Variants in CYP19A1 observed in about 807,000 individuals in gnomAD.
CYP19A1 encodes the protein aromatase.
A neutral mutation model predicts 44.4 loss-of-function variants in CYP19A1; 32 were observed. That is an observed-to-expected ratio of 0.72 (90% CI 0.54 to 0.97). CYP19A1 has a LOEUF of 0.97. Among genes scored for constraint, CYP19A1 ranks in the 50% least tolerant of loss-of-function variants. The pLI, the probability that CYP19A1 is intolerant of heterozygous loss-of-function variation, is 0.00. For synonymous variants in CYP19A1, 212 were observed against 215.6 expected (o/e 0.98, Z 0.14); for missense variants, 598 against 637.8 (o/e 0.94, Z 0.67).
In CYP19A1 at chr15:51,245,024, TTTTG is replaced by T. The variant is rs199602185; in HGVS notation, c.-38-2078_-38-2075del. On this transcript the variant is annotated intron_variant, in intron 1 of 9. Coordinates refer to ENST00000396402, the MANE Select transcript of CYP19A1 (RefSeq NM_000103.4). The stretch of plus-strand genomic sequence containing the variant: ...ACTGTGTCCTAAAATATTTTACTAT[TTTTG>T]TTTGTTTGTTCCCCTACACACTTAT... Among the ~76,000 whole-genome samples the T allele has an allele frequency of 2.6e-3, 401 of 152,326 alleles. 2 individuals carry two copies. The highest frequency in any genetic ancestry group is 9.3e-3 in the African/African-American group (388 of 41,568).
At chr15:51,309,187 G>A (rs1431628472) in intron 1 of CYP19A1, among the ~76,000 whole-genome samples, 1 of 152,198 alleles carries the variant, frequency 6.6e-6, no homozygotes, top group Non-Finnish European at 1.5e-5. Flanking sequence ...TGGTGCCTCT[G>A]TAAGAAGAGG....
intron 1 of CYP19A1, among the ~76,000 whole-genome samples, chr15:51,273,586 C>T (rs2035202094): frequency 1.3e-5 from 2 of 152,142 alleles, no homozygotes; most frequent in Non-Finnish European, 2.9e-5. Flanking sequence ...GAGAACTGAG[C>T]TCTATCCCAC....
At chr15:51,325,498 A>G (rs1432225411) in intron 1 of CYP19A1, among the ~76,000 whole-genome samples, 1 of 152,140 alleles carries the variant, frequency 6.6e-6, no homozygotes, top group Non-Finnish European at 1.5e-5. Flanking sequence ...TCAACTTACC[A>G]TGGTGCTACA....
intron 1 of CYP19A1, among the ~76,000 whole-genome samples, chr15:51,306,999 A>G (rs1311536646): frequency 6.6e-6 from 1 of 152,256 alleles, no homozygotes; most frequent in Admixed American, 6.5e-5. Context: ...GCCAGAGATA[A>G]TAAGTAAACC....
rs548138417 is a variant in CYP19A1 at position 51,297,984 on chromosome 15, G to C, written c.-39+40511C>G. ...CTCTGAGGAATGGGGGAAGATGTAG[G>C]AAGGCTTCACAGAGAAGACGTTGGA... On this transcript the variant is annotated intron_variant, in intron 1 of 9. Coordinates refer to ENST00000396402, the MANE Select transcript of CYP19A1 (RefSeq NM_000103.4). Among the ~76,000 whole-genome samples the C allele has an allele frequency of 3.7e-4, 56 of 152,242 alleles. No individual in the cohort carries two copies. The Middle Eastern group carries it at 0.01, about 28-fold the overall frequency.
intron 1 of CYP19A1, among the ~76,000 whole-genome samples, chr15:51,245,576 G>A (rs1297656018): frequency 6.6e-6 from 1 of 152,132 alleles, no homozygotes; most frequent in Non-Finnish European, 1.5e-5. Flanking sequence ...CCATCAGAGT[G>A]AACAGGCAAC....
chr15:51,225,770 G>T (rs892537737), intron 4 of CYP19A1, among the ~76,000 whole-genome samples: 2 of 152,096 alleles, frequency 1.3e-5, no homozygotes, highest in Non-Finnish European at 1.5e-5. Context: ...TAAGGACCTT[G>T]AGATGGGGTG....
chr15:51,250,524 G>A (rs2034265906), intron 1 of CYP19A1, among the ~76,000 whole-genome samples: 1 of 152,178 alleles, frequency 6.6e-6, no homozygotes, highest in African/African-American at 2.4e-5. Context: ...TCTTCCCAGT[G>A]GGCTGCATCT....
rs748459967 is a variant in CYP19A1 at position 51,222,352 on chromosome 15, C to T, written c.625G>A (p.Asp209Asn). ...GTGAGAGTGAAAATTTCAGTACCGT[C>T]CAAAGGGATCCTCAAGAAGAGCGTG... The part of the protein sequence containing the change: ...SNTLFLRIPL[D>N]ESAIVVKIQG... The change falls in exon 5 of 10, where the codon GAC becomes AAC. Residue 209 changes from aspartate to asparagine, a missense_variant. Asp to Asn is a conservative substitution (Grantham distance 23). Transcript: ENST00000396402. 1.2e-6 allele frequency: 2 copies of T among 1,613,992 alleles called. No homozygotes were observed. Among genetic ancestry groups the T allele is most frequent in the East Asian group, 4.5e-5 (2 of 44,892 alleles).
intron 1 of CYP19A1, among the ~76,000 whole-genome samples, chr15:51,307,538 T>C (rs1191331604): frequency 1.3e-5 from 2 of 152,136 alleles, no homozygotes; most frequent in Admixed American, 1.3e-4. Flanking sequence ...AGCATGGTAG[T>C]GGTGTGAAAG....
intron 1 of CYP19A1, among the ~76,000 whole-genome samples, chr15:51,250,899 C>A (rs1369341850): frequency 6.6e-6 from 1 of 152,176 alleles, no homozygotes; most frequent in Non-Finnish European, 1.5e-5. Flanking sequence ...TGGAATTTTC[C>A]AGCCAAAACT....
intron 1 of CYP19A1, among the ~76,000 whole-genome samples, chr15:51,289,249 T>C (rs1045280407): frequency 3.9e-5 from 6 of 152,222 alleles, no homozygotes; most frequent in African/African-American, 1.4e-4. Flanking sequence ...TCAAATGCCT[T>C]GTTAGACTGT....
intron 1 of CYP19A1, among the ~76,000 whole-genome samples, chr15:51,265,195 A>G (rs917597016): frequency 2.6e-5 from 4 of 152,136 alleles, no homozygotes; most frequent in African/African-American, 9.7e-5. Context: ...CACCCAGTAT[A>G]GCCTGCCATT....
At chr15:51,278,132 A>G (rs748365727) in intron 1 of CYP19A1, 3 of 152,050 alleles carry the variant, frequency 2.0e-5, no homozygotes, top group African/African-American at 7.2e-5. Context: ...ATCTTTTATA[A>G]AGGTGCTTCT....
chr15:51,305,587 G>A (rs1229724888), intron 1 of CYP19A1, among the ~76,000 whole-genome samples: 4 of 152,178 alleles, frequency 2.6e-5, no homozygotes, highest in Admixed American at 6.5e-5. Context: ...TTGAGACAGA[G>A]TCTCACTCTG....
In CYP19A1 at chr15:51,211,027, G is replaced by A. The variant is rs2030919036; in HGVS notation, c.1293C>T (p.Gly431=). 4 of 1,591,828 alleles carry A rather than the reference G, an allele frequency of 2.5e-6. No individual in the cohort carries two copies. Among genetic ancestry groups the A allele is most frequent in the Non-Finnish European group, 2.6e-6 (3 of 1,159,956 alleles). Residue 431 remains glycine, a synonymous_variant, in exon 10 of 10, where the codon GGC becomes GGT. Coordinates refer to ENST00000396402, the MANE Select transcript of CYP19A1 (RefSeq NM_000103.4). The part of the protein sequence containing the change: ...NVPYRYFQPF[G]FGPRGCAGKY... ...TTCCTGCACAGCCACGGGGCCCAAA[G>A]CCAAATGGCTGAAAGTACCTATAAG...
intron 1 of CYP19A1, among the ~76,000 whole-genome samples, chr15:51,284,168 G>A (rs1156881632): frequency 6.6e-6 from 1 of 152,204 alleles, no homozygotes; most frequent in Non-Finnish European, 1.5e-5. Context: ...CTAGGAAGCA[G>A]CACAGTGAAA....
intron 1 of CYP19A1, among the ~76,000 whole-genome samples, chr15:51,273,170 C>T (rs561871913): frequency 2.0e-5 from 3 of 152,164 alleles, no homozygotes; most frequent in Admixed American, 6.5e-5. Flanking sequence ...AGGCTGGTCT[C>T]GAACTCTGGA....
chr15:51,256,706 C>A (rs2034529620), intron 1 of CYP19A1, among the ~76,000 whole-genome samples: 1 of 152,154 alleles, frequency 6.6e-6, no homozygotes, highest in Admixed American at 6.5e-5. Context: ...AAGGTTGCTG[C>A]AAGGATTTTA....
Sources: gnomAD v4.1 joint callset for allele counts (sites outside exome capture counted in the v4.1 genomes callset) on GRCh38, gnomAD v4.1.1 for gene constraint, MANE v1.5 for transcripts, NCBI Gene and HGNC (gene_info 2026-07-23, HGNC 2026-07-21) for gene names.